Variants in DLG2 observed in about 807,000 individuals in gnomAD.
DLG2 encodes disks large homolog 2.
In DLG2, 45 loss-of-function variants were observed where a neutral mutation model predicts 132.5. The ratio of observed to expected loss-of-function variants is 0.34; its 90% confidence interval spans 0.27 to 0.44. DLG2 has a LOEUF of 0.44. Ranked by LOEUF, DLG2 falls within the 20% of genes least tolerant of loss-of-function variation. The pLI is 1.00. For missense variants in DLG2, 1,045 were observed against 1,196.9 expected (o/e 0.87, Z 1.87); for synonymous variants, 424 against 419.6 (o/e 1.01, Z -0.13).
intron 6 of DLG2, among the ~76,000 whole-genome samples, chr11:84,574,374 A>C (rs2099493821): frequency 6.6e-6 from 1 of 152,066 alleles, no homozygotes; most frequent in African/African-American, 2.4e-5. Flanking sequence ...AAAAAAAAAA[A>C]ACCTCTTAAA....
intron 8 of DLG2, among the ~76,000 whole-genome samples, chr11:84,179,244 C>G (rs1388830143): frequency 6.6e-6 from 1 of 152,086 alleles, no homozygotes; most frequent in Non-Finnish European, 1.5e-5. Context: ...TGATGGCCTA[C>G]TACATAAATA....
At chr11:84,230,600 A>G (rs1353566483) in intron 8 of DLG2, among the ~76,000 whole-genome samples, 1 of 152,192 alleles carries the variant, frequency 6.6e-6, no homozygotes, top group Non-Finnish European at 1.5e-5. Context: ...CAAGGAGCTT[A>G]TGGTCTACTT....
chr11:83,722,890 C>A (rs2089023337), intron 18 of DLG2, among the ~76,000 whole-genome samples: 1 of 152,162 alleles, frequency 6.6e-6, no homozygotes, highest in Non-Finnish European at 1.5e-5. Context: ...GCTTTATGAG[C>A]TGGCAATGAT....
At chr11:84,504,057 A>AC (rs939154582) in intron 7 of DLG2, among the ~76,000 whole-genome samples, 8 of 152,218 alleles carry the variant, frequency 5.3e-5, no homozygotes, top group African/African-American at 1.9e-4. Context: ...GAAAATAATA[A>AC]CAAAAATAGC....
intron 3 of DLG2, among the ~76,000 whole-genome samples, chr11:85,552,677 TA>T (rs774129746): frequency 3.3e-5 from 5 of 151,530 alleles, no homozygotes; most frequent in Non-Finnish European, 7.4e-5. Flanking sequence ...GCAAATTAGA[TA>T]TTGCTGAAGA....
At chr11:85,548,641 T>C (rs1269503710) in intron 3 of DLG2, among the ~76,000 whole-genome samples, 1 of 152,130 alleles carries the variant, frequency 6.6e-6, no homozygotes, top group Non-Finnish European at 1.5e-5. Context: ...GTTTTATCTA[T>C]AAGTCCCTGA....
intron 18 of DLG2, among the ~76,000 whole-genome samples, chr11:83,690,072 AATT>A (rs1307313176): frequency 6.8e-6 from 1 of 147,804 alleles, no homozygotes; most frequent in Non-Finnish European, 1.5e-5. Flanking sequence ...AAATATTATA[AATT>A]ATTGTGTAAC....
chr11:85,121,248 C>T (rs1179486381), intron 5 of DLG2, among the ~76,000 whole-genome samples: 1 of 151,668 alleles, frequency 6.6e-6, no homozygotes, highest in Non-Finnish European at 1.5e-5. Flanking sequence ...ATTATTTCTC[C>T]AATTATTTTA....
intron 7 of DLG2, among the ~76,000 whole-genome samples, chr11:84,463,790 G>C (rs2099086774): frequency 6.6e-6 from 1 of 150,952 alleles, no homozygotes; most frequent in South Asian, 2.1e-4. Flanking sequence ...CCCTAATCTT[G>C]AACACACCCG....
At chr11:84,895,310 A>G (rs2090041819) in intron 6 of DLG2, among the ~76,000 whole-genome samples, 1 of 152,182 alleles carries the variant, frequency 6.6e-6, no homozygotes, top group Non-Finnish European at 1.5e-5. Context: ...TAGTTATTGA[A>G]TACAAATATG....
At chr11:83,668,276 C>G (rs2153566591) in intron 18 of DLG2, among the ~76,000 whole-genome samples, 1 of 152,114 alleles carries the variant, frequency 6.6e-6, no homozygotes, top group East Asian at 1.9e-4. Context: ...TGTCAATTTG[C>G]CAAGAAAATC....
At chr11:83,622,311 C>G (rs774833841) in intron 19 of DLG2, among the ~76,000 whole-genome samples, 5 of 152,196 alleles carry the variant, frequency 3.3e-5, no homozygotes, top group Non-Finnish European at 5.9e-5. Flanking sequence ...CTGGGCAACC[C>G]ATTGTGTGAT....
chr11:84,415,914 G>A (rs1327181625), intron 7 of DLG2, among the ~76,000 whole-genome samples: 2 of 152,060 alleles, frequency 1.3e-5, no homozygotes, highest in Non-Finnish European at 2.9e-5. Flanking sequence ...AGGGTGCCAC[G>A]TATCATAAGC....
chr11:83,867,650 C>A lies in DLG2; in HGVS notation c.1565+6770G>T, dbSNP rs11233770. Among the ~76,000 whole-genome samples the A allele has an allele frequency of 9.2e-3, 1,397 of 152,200 alleles. 18 individuals are homozygous for A. Among genetic ancestry groups the A allele is most frequent in the African/African-American group, 0.031 (1,285 of 41,534 alleles). On this transcript the variant is annotated intron_variant, in intron 16 of 27. Transcript: ENST00000376104. ...TATTTTGTTAGTCCTTGAAATTCCA[C>A]GTTTGGAAACTTCTGTCTGTTCTAA...
chr11:85,264,197 A>G (rs1213089286), intron 4 of DLG2, among the ~76,000 whole-genome samples: 1 of 152,032 alleles, frequency 6.6e-6, no homozygotes. Context: ...CACGTTTTGG[A>G]GTTTCTTTTC....
At chr11:83,654,645 CTA>C (rs1246904066) in intron 18 of DLG2, among the ~76,000 whole-genome samples, 18 of 152,268 alleles carry the variant, frequency 1.2e-4, no homozygotes, top group Non-Finnish European at 1.5e-5. Flanking sequence ...AGGACACACT[CTA>C]GAAGGATAGG....
intron 18 of DLG2, among the ~76,000 whole-genome samples, chr11:83,726,861 C>G (rs939732235): frequency 2.6e-5 from 4 of 152,286 alleles, no homozygotes; most frequent in African/African-American, 9.6e-5. Context: ...CTTTTGGCTC[C>G]TAGAAAGACA....
chr11:84,983,796 GA>G (rs2056107431), intron 6 of DLG2, among the ~76,000 whole-genome samples: 2 of 152,012 alleles, frequency 1.3e-5, no homozygotes, highest in African/African-American at 4.8e-5. Flanking sequence ...ACAGCATAAA[GA>G]AAAAACAGTC....
At chr11:85,536,920 C>G (rs942461810) in intron 3 of DLG2, among the ~76,000 whole-genome samples, 2 of 152,184 alleles carry the variant, frequency 1.3e-5, no homozygotes, top group Non-Finnish European at 2.9e-5. Context: ...CAGTGAATGC[C>G]AGTGAGAGGT....
Sources: gnomAD v4.1 joint callset for allele counts (sites outside exome capture counted in the v4.1 genomes callset) on GRCh38, gnomAD v4.1.1 for gene constraint, MANE v1.5 for transcripts, NCBI Gene and HGNC (gene_info 2026-07-23, HGNC 2026-07-21) for gene names.